PHLDA3: variants seen among roughly 807,000 people sequenced by gnomAD.
PHLDA3 encodes the protein pleckstrin homology-like domain family A member 3.
Under a neutral mutation model 7.6 loss-of-function variants are expected in PHLDA3, and 12 were observed. The ratio of observed to expected loss-of-function variants is 1.58; its 90% CI spans 1.01 to 2.55. The LOEUF (loss-of-function observed/expected upper bound fraction) is 2.55. PHLDA3 is among the 30% of genes most tolerant of loss of function. The pLI is 0.00. For missense variants in PHLDA3, 177 were observed against 175.6 expected, an observed-to-expected ratio of 1.01 and a Z score of -0.05; for synonymous variants, 104 against 85.1, an observed-to-expected ratio of 1.22 and a Z score of -1.23.
At chr1:201,467,241 A>C (rs1393920564) in intron 1 of PHLDA3, among the ~76,000 whole-genome samples, 1 of 152,100 alleles carries the variant, frequency 6.6e-6, no homozygotes, top group Non-Finnish European at 1.5e-5. Flanking sequence ...CAAGAGGTTG[A>C]AGCTGTTGAG....
Position 201,468,932 on chromosome 1 carries a change from C to T in PHLDA3, c.-146G>A, listed in dbSNP as rs1663755908. 1.1e-6 allele frequency: 1 copy of T among 879,872 alleles called. No homozygotes were observed. 54.5% of individuals were successfully genotyped at this position (879,872 alleles called of 1,614,324 possible). A position where few individuals can be genotyped will look rare whatever the true frequency, so the allele number is the denominator to read the frequency against. On this transcript the variant is annotated 5_prime_UTR_variant, in exon 1 of 2. Transcript: ENST00000367311. ...CTGACTGCTCCGCGCACCCACACCG[C>T]GGCCCTCAGCACCCGGCTGCCGGTG...
chr1:201,468,283 G>T, intron 1 of PHLDA3, 58 bp downstream of exon 1: 1 of 1,161,362 alleles, frequency 8.6e-7, no homozygotes, highest in Non-Finnish European at 1.2e-6. Flanking sequence ...CATTCTCTCT[G>T]TAGGGGAAAG....
intron 1 of PHLDA3, 29 bp from the exon 2 acceptor site, chr1:201,466,207 G>A (rs1244543758): frequency 6.5e-6 from 1 of 153,974 alleles, no homozygotes; most frequent in East Asian, 1.9e-4. Context: ...AGTTAGAGCA[G>A]GGGCAACAAT....
At chr1:201,467,305 T>C (rs1663687826) in intron 1 of PHLDA3, among the ~76,000 whole-genome samples, 1 of 151,774 alleles carries the variant, frequency 6.6e-6, no homozygotes, top group Admixed American at 6.6e-5. Flanking sequence ...CAGGTAGAGA[T>C]CCTGTCTCAA....
chr1:201,468,990 C>T lies in PHLDA3; in HGVS notation c.-204G>A, dbSNP rs532937036. The T allele has an allele frequency of 4.1e-6, 2 of 482,780 alleles. No individual in the cohort carries two copies. The highest frequency in any genetic ancestry group is 6.7e-6 in the Non-Finnish European group (2 of 300,156). 29.9% of individuals were successfully genotyped at this position (482,780 alleles called of 1,614,324 possible). ...GTCGGTGCCCCCAGCGCGCTCCGCG[C>T]CCACCGCCCCGCTTCAGCCGGCACC... On this transcript the variant is annotated 5_prime_UTR_variant, in exon 1 of 2. Coordinates refer to ENST00000367311, the MANE Select transcript of PHLDA3 (RefSeq NM_012396.5).
At chr1:201,468,015 A>C (rs1663715480) in intron 1 of PHLDA3, among the ~76,000 whole-genome samples, 1 of 152,236 alleles carries the variant, frequency 6.6e-6, no homozygotes, top group Non-Finnish European at 1.5e-5. Context: ...TGTGCAGGCC[A>C]ACCTCCCTCT....
chr1:201,467,044 C>T (rs1663680312), intron 1 of PHLDA3, among the ~76,000 whole-genome samples: 1 of 152,162 alleles, frequency 6.6e-6, no homozygotes, highest in Non-Finnish European at 1.5e-5. Flanking sequence ...GGTGTGGTGG[C>T]TTACACCTGT....
chr1:201,467,611 AAAC>A (rs757247379), intron 1 of PHLDA3: 201 of 152,282 alleles, frequency 1.3e-3, no homozygotes, highest in East Asian at 7.8e-3. Flanking sequence ...ACTCTGTCTC[AAAC>A]AACAACAACA....
chr1:201,467,244 C>T (rs1663684151), intron 1 of PHLDA3, among the ~76,000 whole-genome samples: 2 of 152,000 alleles, frequency 1.3e-5, no homozygotes, highest in African/African-American at 4.8e-5. Context: ...GAGGTTGAAG[C>T]TGTTGAGGCT....
Position 201,464,446 on chromosome 1 carries a change from A to T in PHLDA3, c.*1795T>A, listed in dbSNP as rs539357489. On this transcript the variant is annotated 3_prime_UTR_variant, in exon 2 of 2. Transcript: ENST00000367311. Reference sequence around the variant, plus strand: ...TAACAAATTCTCATTCAACTGTGTGATGTAATTCACACATCAGATGAGCAA... The same window carrying T: ...TAACAAATTCTCATTCAACTGTGTGTTGTAATTCACACATCAGATGAGCAA... 2.0e-5 allele frequency: 3 copies of T among 152,378 alleles called. No individual in the cohort carries two copies. Among genetic ancestry groups the T allele is most frequent in the South Asian group, 4.1e-4 (2 of 4,832 alleles). The allele number at this position is 152,378 out of a possible 1,614,324, so 9.4% of individuals were successfully genotyped here.
Position 201,465,349 on chromosome 1 carries a change from AG to A in PHLDA3, c.*891del, listed in dbSNP as rs1341955545. 1.3e-5 allele frequency: 2 copies of A among 152,552 alleles called. No individual in the cohort carries two copies. The highest frequency in any genetic ancestry group is 3.9e-4 in the East Asian group (2 of 5,194). 9.4% of individuals were successfully genotyped at this position (152,552 alleles called of 1,614,324 possible). On this transcript the variant is annotated 3_prime_UTR_variant, in exon 2 of 2. Transcript: ENST00000367311. ...TGGGCCCTCCTTCCTAGGACCACCA[AG>A]GCCCTGTCTACTGGGGTTTTAGTGT...
rs1571760182 is a variant in PHLDA3 at position 201,465,735 on chromosome 1, G to A, written c.*506C>T. On this transcript the variant is annotated 3_prime_UTR_variant, in exon 2 of 2. Transcript: ENST00000367311. Reference sequence around the variant, plus strand: ...CCCAGCAGCTCCCCCTTCTCAAGGTGAGTCCAGAGGCCATTCTGGAGTGGG... The same window carrying A: ...CCCAGCAGCTCCCCCTTCTCAAGGTAAGTCCAGAGGCCATTCTGGAGTGGG... 1 of 154,982 alleles carries A rather than the reference G, an allele frequency of 6.5e-6. No individual in the cohort carries two copies. 9.6% of individuals were successfully genotyped at this position (154,982 alleles called of 1,614,324 possible).
At chr1:201,468,280 T>C in intron 1 of PHLDA3, 61 bp downstream of exon 1, 3 of 1,143,930 alleles carry the variant, frequency 2.6e-6, no homozygotes, top group Non-Finnish European at 3.8e-6. Context: ...CCTCATTCTC[T>C]CTGTAGGGGA....
rs36071818 is a variant in PHLDA3, at chr1:201,468,641, C to A, written c.146G>T (p.Arg49Leu). Residue 49 changes from arginine (R) to leucine (L), a missense_variant, in exon 1 of 2, where the codon CGG becomes CTG. By Grantham distance (102) the Arg-to-Leu change is moderately radical. Coordinates refer to ENST00000367311, the MANE Select transcript of PHLDA3 (RefSeq NM_012396.5). ...QLFEAKGTGGRPKELSFARIK... is the reference protein window; with the variant it reads ...QLFEAKGTGGLPKELSFARIK... ...GCGGGCGAAGCTGAGCTCCTTGGGCCGGCCGCCCGTGCCCTTGGCCTCGAA... is the reference window on the plus strand; with the variant it reads ...GCGGGCGAAGCTGAGCTCCTTGGGCAGGCCGCCCGTGCCCTTGGCCTCGAA... The A allele has an allele frequency of 1.2e-6, 2 of 1,613,010 alleles. No individual in the cohort carries two copies. The highest frequency in any genetic ancestry group is 2.7e-5 in the African/African-American group (2 of 74,928).
Position 201,468,922 on chromosome 1 carries a change from AC to A in PHLDA3, c.-137del. ...CACCTGCGCCCTGACTGCTCCGCGC[AC>A]CCACACCGCGGCCCTCAGCACCCGG... On this transcript the variant is annotated 5_prime_UTR_variant, in exon 1 of 2. Coordinates refer to ENST00000367311, the MANE Select transcript of PHLDA3 (RefSeq NM_012396.5). 1.0e-6 allele frequency: 1 copy of A among 995,302 alleles called. No individual in the cohort carries two copies. The highest frequency in any genetic ancestry group is 1.3e-6 in the Non-Finnish European group (1 of 746,290). 61.7% of individuals were successfully genotyped at this position (995,302 alleles called of 1,614,324 possible). A position where few individuals can be genotyped will look rare whatever the true frequency, so the allele number is the denominator to read the frequency against.
At chr1:201,467,502 T>G (rs1025545020) in intron 1 of PHLDA3, 5 of 152,228 alleles carry the variant, frequency 3.3e-5, no homozygotes, top group African/African-American at 1.2e-4. Context: ...TCCCAGCTGT[T>G]CTGGAAGCTG....
In PHLDA3 at chr1:201,465,286, T is replaced by C. The variant is rs886653384; in HGVS notation, c.*955A>G. 1 of 152,266 alleles carries C rather than the reference T, an allele frequency of 6.6e-6. No individual in the cohort carries two copies. The highest frequency in any genetic ancestry group is 1.5e-5 in the Non-Finnish European group (1 of 68,052). 9.4% of individuals were successfully genotyped at this position (152,266 alleles called of 1,614,324 possible). On this transcript the variant is annotated 3_prime_UTR_variant, in exon 2 of 2. Transcript: ENST00000367311. ...CTGTAGAAGAGACATTCATAGGGAC[T>C]GAACTGACCAGCTTGACATCCCTCG...
Position 201,468,902 on chromosome 1 carries a change from GC to G in PHLDA3, c.-117del. ...GGCAGGCCGTGCGCGCTGCCCACCT[GC>G]GCCCTGACTGCTCCGCGCACCCACA... On this transcript the variant is annotated 5_prime_UTR_variant, in exon 1 of 2. Transcript: ENST00000367311. 8.6e-7 allele frequency: 1 copy of G among 1,165,302 alleles called. No individual in the cohort carries two copies. The highest frequency in any genetic ancestry group is 1.1e-6 in the Non-Finnish European group (1 of 891,990). 72.2% of individuals were successfully genotyped at this position (1,165,302 alleles called of 1,614,324 possible).
chr1:201,466,455 A>G (rs1663667913), intron 1 of PHLDA3: 1 of 152,010 alleles, frequency 6.6e-6, no homozygotes, highest in Non-Finnish European at 1.5e-5. Context: ...CAGGACCATC[A>G]AAGTGGGGTA....
Sources: allele counts gnomAD v4.1 joint callset (sites outside exome capture counted in the v4.1 genomes callset), GRCh38; gene constraint gnomAD v4.1.1; transcripts MANE v1.5; gene names NCBI Gene and HGNC (gene_info 2026-07-23, HGNC 2026-07-21).